The following GRB10 variants were observed in gnomAD, a reference collection of about 807,000 sequenced individuals.
GRB10 encodes the protein growth factor receptor-bound protein 10.
A neutral mutation model predicts 80.9 loss-of-function variants in GRB10; 20 were observed. The observed-to-expected ratio is 0.25, with a 90% CI of 0.17 to 0.36. The LOEUF (loss-of-function observed/expected upper bound fraction) is 0.36. Ranked by LOEUF, GRB10 falls within the 10% of genes least tolerant of loss-of-function variation. GRB10 has a pLI of 1.00. For missense variants in GRB10, 548 were observed against 747.7 expected (o/e 0.73, Z 3.12); for synonymous variants, 291 against 291.5 (o/e 1.00, Z 0.02).
At chr7:50,628,917 T>G (rs1306367480) in intron 7 of GRB10, among the ~76,000 whole-genome samples, 1 of 152,200 alleles carries the variant, frequency 6.6e-6, no homozygotes, top group Non-Finnish European at 1.5e-5. Context: ...GAAATACAAT[T>G]TAAGTGAAGA....
intron 2 of GRB10, among the ~76,000 whole-genome samples, chr7:50,760,521 G>C (rs752162094): frequency 2.0e-5 from 3 of 151,914 alleles, no homozygotes; most frequent in Non-Finnish European, 2.9e-5. Flanking sequence ...TTTTTTCTTA[G>C]AACTAGTGGA....
chr7:50,666,492 T>C (rs1284328981), intron 7 of GRB10, among the ~76,000 whole-genome samples: 1 of 152,174 alleles, frequency 6.6e-6, no homozygotes, highest in Non-Finnish European at 1.5e-5. Context: ...GCACTGAGCT[T>C]GTATCTTACA....
At chr7:50,718,333 T>C (rs868493974) in intron 4 of GRB10, among the ~76,000 whole-genome samples, 26 of 152,166 alleles carry the variant, frequency 1.7e-4, no homozygotes, top group African/African-American at 5.1e-4. Flanking sequence ...CAGTCAGCCA[T>C]CTGCATGGGT....
chr7:50,771,876 C>G (rs372973447), intron 2 of GRB10, among the ~76,000 whole-genome samples: 2 of 152,178 alleles, frequency 1.3e-5, no homozygotes, highest in Non-Finnish European at 2.9e-5. Flanking sequence ...CTCTTCTAAA[C>G]GGGGCATGGG....
At chr7:50,620,686 G>C (rs1403496457) in intron 8 of GRB10, among the ~76,000 whole-genome samples, 1 of 152,184 alleles carries the variant, frequency 6.6e-6, no homozygotes, top group Non-Finnish European at 1.5e-5. Context: ...TGTCTGGGAG[G>C]GAATGCTGCT....
rs568610330 is a variant in GRB10 at position 50,612,756 on chromosome 7, C to A, written c.1179G>T (p.Ala393=). ...TGTCACATACCTTGAGGAGTCTGAACGCTGTCATCCAGCACGTCCTGGTTT... is the reference window on the plus strand; with the variant it reads ...TGTCACATACCTTGAGGAGTCTGAAAGCTGTCATCCAGCACGTCCTGGTTT... The part of the protein sequence containing the change: ...DEQTRTCWMT[A]FRLLKYGMLL... The change falls in exon 13 of 19, where the codon GCG becomes GCT. Residue 393 remains alanine (A), a synonymous_variant. Transcript: ENST00000401949. The A allele has an allele frequency of 6.2e-7, 1 of 1,612,670 alleles. No individual in the cohort carries two copies. Among genetic ancestry groups the A allele is most frequent in the Non-Finnish European group, 8.5e-7 (1 of 1,179,004 alleles).
chr7:50,626,939 C>CCA lies in GRB10; in HGVS notation c.542_543dup (p.Val182TrpfsTer5). 1 of 1,614,182 alleles carries CCA rather than the reference C, an allele frequency of 6.2e-7. No homozygotes were observed. Among genetic ancestry groups the CCA allele is most frequent in the Non-Finnish European group, 8.5e-7 (1 of 1,180,024 alleles). Reference sequence around the variant, plus strand: ...GCTGTCATGTCTGCTAGAATCTCCACCACTTTGCTTGTCCCATCTTCACTA... The same window carrying CCA: ...GCTGTCATGTCTGCTAGAATCTCCACCACACTTTGCTTGTCCCATCTTCACTA... On this transcript the variant is annotated frameshift_variant, in exon 8 of 19. Coordinates refer to ENST00000401949, the MANE Select transcript of GRB10 (RefSeq NM_001350814.2). LOFTEE classifies it high-confidence loss of function.
intron 7 of GRB10, among the ~76,000 whole-genome samples, chr7:50,669,432 T>C (rs1313785562): frequency 3.3e-5 from 5 of 152,120 alleles, no homozygotes; most frequent in African/African-American, 1.2e-4. Flanking sequence ...CTTACTATTG[T>C]GAGGACAGCA....
At chr7:50,671,287 G>A (rs1390344438) in intron 6 of GRB10, among the ~76,000 whole-genome samples, 1 of 152,148 alleles carries the variant, frequency 6.6e-6, no homozygotes, top group Non-Finnish European at 1.5e-5. Flanking sequence ...CATAGGCTGT[G>A]TCCTCAAGTA....
At chr7:50,635,957 C>T (rs868024088) in intron 7 of GRB10, among the ~76,000 whole-genome samples, 45 of 87,024 alleles carry the variant, frequency 5.2e-4, no homozygotes, top group South Asian at 1.1e-3. Context: ...TTTTTTTTTC[C>T]TTTCCTTTTT....
At chr7:50,769,353 C>A (rs2076729362) in intron 2 of GRB10, among the ~76,000 whole-genome samples, 1 of 152,170 alleles carries the variant, frequency 6.6e-6, no homozygotes, top group South Asian at 2.1e-4. Context: ...TGGAGCCACA[C>A]AGGAGGTCGG....
At chr7:50,783,901 T>C (rs1277797021), upstream of GRB10, among the ~76,000 whole-genome samples, 1 of 152,098 alleles carries the variant, frequency 6.6e-6, no homozygotes, top group East Asian at 1.9e-4. Flanking sequence ...TGAAGGTCAC[T>C]GGAGGAGGAG....
chr7:50,605,031 C>A (rs879387672), intron 15 of GRB10: 14 of 523,266 alleles, frequency 2.7e-5, no homozygotes, highest in Non-Finnish European at 3.8e-5. Flanking sequence ...ATAGGAGCCA[C>A]GGAGGGCAGA....
At chr7:50,629,029 T>C (rs889270302) in intron 7 of GRB10, among the ~76,000 whole-genome samples, 3 of 152,206 alleles carry the variant, frequency 2.0e-5, no homozygotes, top group Non-Finnish European at 2.9e-5. Context: ...CAATGCTTTA[T>C]AAATATGCTA....
intron 4 of GRB10, among the ~76,000 whole-genome samples, chr7:50,714,078 C>T (rs527860045): frequency 6.6e-6 from 1 of 152,232 alleles, no homozygotes; most frequent in African/African-American, 2.4e-5. Flanking sequence ...CTCTTCCTCC[C>T]CTACCTTCAC....
At chr7:50,739,765 C>T (rs1375336251) in intron 3 of GRB10, among the ~76,000 whole-genome samples, 3 of 152,230 alleles carry the variant, frequency 2.0e-5, no homozygotes, top group African/African-American at 7.2e-5. Context: ...TCCCTCACGT[C>T]CCCTCCCATG....
At chr7:50,713,899 T>C (rs2066399367) in intron 4 of GRB10, among the ~76,000 whole-genome samples, 1 of 151,210 alleles carries the variant, frequency 6.6e-6, no homozygotes, top group Non-Finnish European at 1.5e-5. Context: ...CTCCACTACC[T>C]ACCCCTTCAT....
intron 7 of GRB10, among the ~76,000 whole-genome samples, chr7:50,644,387 T>G (rs1203113365): frequency 6.6e-6 from 1 of 151,678 alleles, no homozygotes; most frequent in East Asian, 1.9e-4. Flanking sequence ...GGGACACAGA[T>G]AGGGAAGGGA....
chr7:50,595,631 A>ACACACACACC, intron 17 of GRB10, 101 bp from the exon 18 acceptor site: 1 of 769,574 alleles, frequency 1.3e-6, no homozygotes, highest in Non-Finnish European at 2.3e-6. Context: ...ACACACACAC[A>ACACACACACC]CACACAGGCT....
Sources: gnomAD v4.1 joint callset for allele counts (sites outside exome capture counted in the v4.1 genomes callset) on GRCh38, gnomAD v4.1.1 for gene constraint, MANE v1.5 for transcripts, NCBI Gene and HGNC (gene_info 2026-07-23, HGNC 2026-07-21) for gene names.